VPS13B: variants seen among roughly 807,000 people sequenced by gnomAD.
VPS13B encodes the protein vacuolar protein sorting 13 homolog B, also known as intermembrane lipid transfer protein VPS13B.
In VPS13B, 285 loss-of-function variants were observed where a neutral mutation model predicts 426.4. The observed-to-expected ratio is 0.67, with a 90% CI of 0.61 to 0.74. VPS13B has a LOEUF of 0.74. Ranked by LOEUF, VPS13B falls within the 30% of genes least tolerant of loss-of-function variation. VPS13B has a pLI of 0.00. For missense variants in VPS13B, 4,537 were observed against 4,782.6 expected (o/e 0.95, Z 1.51); for synonymous variants, 1,676 against 1,676.4 (o/e 1.00, Z 0.01).
At chr8:99,482,396 A>G (rs1006304997) in intron 25 of VPS13B, among the ~76,000 whole-genome samples, 10 of 152,348 alleles carry the variant, frequency 6.6e-5, no homozygotes, top group African/African-American at 1.9e-4. Flanking sequence ...TGTAACTTAC[A>G]TATACATATA....
At chr8:99,798,323 A>G (rs1197701646) in intron 43 of VPS13B, among the ~76,000 whole-genome samples, 2 of 151,952 alleles carry the variant, frequency 1.3e-5, no homozygotes, top group Admixed American at 6.6e-5. Context: ...GTAGAAGTAA[A>G]TGGGGTCCTA....
At chr8:99,295,534 G>C (rs1819985175) in intron 19 of VPS13B, among the ~76,000 whole-genome samples, 1 of 152,100 alleles carries the variant, frequency 6.6e-6, no homozygotes. Flanking sequence ...CTAACCTATT[G>C]AACACTATAG....
chr8:99,092,950 A>G (rs1468158586), intron 3 of VPS13B, among the ~76,000 whole-genome samples: 1 of 150,870 alleles, frequency 6.6e-6, no homozygotes, highest in Non-Finnish European at 1.5e-5. Context: ...TTTTTTTTTC[A>G]GTGCTATCAT....
At chr8:99,463,225 T>C (rs566259394) in intron 23 of VPS13B, among the ~76,000 whole-genome samples, 1 of 152,350 alleles carries the variant, frequency 6.6e-6, no homozygotes, top group South Asian at 2.1e-4. Flanking sequence ...GTGATTATTC[T>C]AGTTTTGCAT....
At chr8:99,860,881 C>T (rs1271726200) in intron 57 of VPS13B, among the ~76,000 whole-genome samples, 1 of 152,230 alleles carries the variant, frequency 6.6e-6, no homozygotes, top group Non-Finnish European at 1.5e-5. Context: ...ATTCCCCTCA[C>T]TGGTTTTTCA....
intron 35 of VPS13B, among the ~76,000 whole-genome samples, chr8:99,685,806 C>A (rs1201643441): frequency 6.6e-6 from 1 of 152,122 alleles, no homozygotes; most frequent in Non-Finnish European, 1.5e-5. Flanking sequence ...AATTCTCTGT[C>A]TGAAAGAAAG....
chr8:99,037,277 C>T (rs914441853), intron 2 of VPS13B, among the ~76,000 whole-genome samples: 1 of 151,598 alleles, frequency 6.6e-6, no homozygotes, highest in Admixed American at 6.6e-5. Context: ...TAAAAAAAAA[C>T]CCTCTGGTTG....
chr8:99,818,562 G>A lies in VPS13B; in HGVS notation c.8445+28G>A, dbSNP rs1444010975. 3.7e-6 allele frequency: 6 copies of A among 1,611,132 alleles called. No homozygotes were observed. In the African/African-American group the frequency reaches 6.7e-5, roughly 18 times the overall value. ...GAGTGCTTTCCCAATCCTAAAATAT[G>A]GTATATGACTCTGACCTTTCCTGTT... On this transcript the variant is annotated intron_variant, in intron 46 of 61. Coordinates refer to ENST00000357162, the MANE Select transcript of VPS13B (RefSeq NM_152564.5).
chr8:99,483,396 A>T (rs1820146214), intron 25 of VPS13B, among the ~76,000 whole-genome samples: 1 of 152,184 alleles, frequency 6.6e-6, no homozygotes, highest in Non-Finnish European at 1.5e-5. Context: ...GAAGAGTTCC[A>T]ATATTATTAG....
At chr8:99,592,156 C>T (rs1362242808) in intron 33 of VPS13B, among the ~76,000 whole-genome samples, 1 of 152,032 alleles carries the variant, frequency 6.6e-6, no homozygotes, top group African/African-American at 2.4e-5. Flanking sequence ...CCATGGTTTT[C>T]AGCTCCATCA....
chr8:99,640,013 T>TAAGAAG (rs1438997007), intron 33 of VPS13B, among the ~76,000 whole-genome samples: 129 of 70,526 alleles, frequency 1.8e-3, no homozygotes, highest in African/African-American at 2.6e-3. Context: ...ATAATAATAA[T>TAAGAAG]AATAATAATA....
At chr8:99,158,974 C>A (rs1811504465) in intron 15 of VPS13B, among the ~76,000 whole-genome samples, 1 of 152,272 alleles carries the variant, frequency 6.6e-6, no homozygotes, top group Middle Eastern at 3.4e-3. Flanking sequence ...CTGGGCAAAG[C>A]AAATTGAAAA....
intron 19 of VPS13B, among the ~76,000 whole-genome samples, chr8:99,320,999 T>A (rs995414729): frequency 6.6e-6 from 1 of 152,132 alleles, no homozygotes; most frequent in African/African-American, 2.4e-5. Flanking sequence ...TTCATTTGAT[T>A]TACCAACAAT....
chr8:99,194,472 A>G (rs1426144050), intron 17 of VPS13B, among the ~76,000 whole-genome samples: 1 of 151,624 alleles, frequency 6.6e-6, no homozygotes, highest in African/African-American at 2.4e-5. Flanking sequence ...CTACCATTCT[A>G]CTCTCTACTT....
intron 36 of VPS13B, among the ~76,000 whole-genome samples, chr8:99,711,585 A>C (rs1346361443): frequency 6.6e-6 from 1 of 152,232 alleles, no homozygotes; most frequent in African/African-American, 2.4e-5. Context: ...GAGACTGAAA[A>C]AAAAGTGAAC....
chr8:99,742,211 A>G (rs1809774228), intron 39 of VPS13B, among the ~76,000 whole-genome samples: 2 of 152,244 alleles, frequency 1.3e-5, no homozygotes, highest in Admixed American at 6.5e-5. Context: ...ACGCAAATAA[A>G]CTAGAAAATC....
rs58708195 is a variant in VPS13B, at chr8:99,303,730, C to CAAAAAAAAAAAAAAAAA, written c.2824+28481_2824+28497dup. The stretch of plus-strand genomic sequence containing the variant: ...GGTGAGACAGAGTGAGACTCCGTCT[C>CAAAAAAAAAAAAAAAAA]AAAAAAAAAAAAAAAAAAAAAGAAT... On this transcript the variant is annotated intron_variant, in intron 19 of 61. Transcript: ENST00000357162. 3.6e-4 allele frequency among the ~76,000 whole-genome samples: 23 copies of CAAAAAAAAAAAAAAAAA among 63,712 alleles called. 3 individuals carry two copies. The highest frequency in any genetic ancestry group is 1.4e-3 in the African/African-American group (20 of 14,122). The allele number at this position is 63,712 out of a possible 152,430, so 41.8% of individuals were successfully genotyped here. A position where few individuals can be genotyped will look rare whatever the true frequency, so the allele number is the denominator to read the frequency against.
intron 37 of VPS13B, among the ~76,000 whole-genome samples, 177 bp downstream of exon 37, chr8:99,717,550 C>T (rs370622966): frequency 6.6e-6 from 1 of 152,096 alleles, no homozygotes; most frequent in African/African-American, 2.4e-5. Context: ...AGCAATCTAC[C>T]TATTTCAAGT....
chr8:99,659,308 T>G (rs775167635), intron 34 of VPS13B, among the ~76,000 whole-genome samples: 77 of 152,220 alleles, frequency 5.1e-4, no homozygotes, highest in Admixed American at 2.2e-3. Flanking sequence ...CACTGGTTTT[T>G]CTGTTGGTAC....
Sources: gnomAD v4.1 joint callset for allele counts (sites outside exome capture counted in the v4.1 genomes callset) on GRCh38, gnomAD v4.1.1 for gene constraint, MANE v1.5 for transcripts, NCBI Gene and HGNC (gene_info 2026-07-23, HGNC 2026-07-21) for gene names.